Variants in SUCLG2 observed in about 807,000 individuals in gnomAD.
SUCLG2 encodes succinate-CoA ligase GDP-forming subunit beta.
Under a neutral mutation model 47.9 loss-of-function variants are expected in SUCLG2, and 42 were observed. The observed-to-expected ratio is 0.88, with a 90% CI of 0.69 to 1.14. The LOEUF (loss-of-function observed/expected upper bound fraction) is 1.14, where lower values mean the gene tolerates loss of function less well. SUCLG2 is among the 50% of genes most tolerant of loss of function. SUCLG2 has a pLI of 0.00. For missense variants in SUCLG2, 571 were observed against 525.9 expected (o/e 1.09, Z -0.84); for synonymous variants, 195 against 197.3 (o/e 0.99, Z 0.10).
chr3:67,515,098 G>A (rs1338280378), intron 6 of SUCLG2, among the ~76,000 whole-genome samples: 1 of 152,202 alleles, frequency 6.6e-6, no homozygotes, highest in Non-Finnish European at 1.5e-5. Context: ...ATCATCGCAA[G>A]AAGGGTGAGT....
intron 2 of SUCLG2, among the ~76,000 whole-genome samples, chr3:67,552,172 C>CA (rs55687048): frequency 0.069 from 5,207 of 75,118 alleles, 160 homozygotes; most frequent in Non-Finnish European, 0.12. Context: ...AACTCCATCT[C>CA]AAAAAAAAAA....
chr3:67,609,034 C>G (rs1700480177), intron 2 of SUCLG2, among the ~76,000 whole-genome samples: 1 of 152,162 alleles, frequency 6.6e-6, no homozygotes. Context: ...CCTGGCGGAA[C>G]TGAGGACACA....
At chr3:67,406,957 T>C (rs1484705708) in intron 9 of SUCLG2, among the ~76,000 whole-genome samples, 2 of 152,154 alleles carry the variant, frequency 1.3e-5, no homozygotes, top group African/African-American at 4.8e-5. Flanking sequence ...CCACAGCACA[T>C]GCAGGGCAGT....
chr3:67,404,964 G>T (rs1575674326), intron 9 of SUCLG2, among the ~76,000 whole-genome samples: 2 of 138,052 alleles, frequency 1.4e-5, no homozygotes, highest in East Asian at 4.2e-4. Flanking sequence ...CCCTGGCAAA[G>T]AGAATTTTTT....
In SUCLG2 at chr3:67,508,975, A is replaced by G. The variant is rs1452862156; in HGVS notation, c.661-72T>C. 6 of 1,167,670 alleles carry G rather than the reference A, an allele frequency of 5.1e-6. No homozygotes were observed. In the African/African-American group the frequency reaches 9.4e-5, roughly 18 times the overall value. 72.3% of individuals were successfully genotyped at this position (1,167,670 alleles called of 1,614,324 possible). A position where few individuals can be genotyped will look rare whatever the true frequency, so the allele number is the denominator to read the frequency against. ...AAATTTATTTTGCTGGATTAATGAA[A>G]CCTTAAAAATAGCAAGTTATGTCTT... is the stretch of plus-strand genomic sequence containing the variant. On this transcript the variant is annotated intron_variant, in intron 6 of 10. Coordinates refer to ENST00000307227, the MANE Select transcript of SUCLG2 (RefSeq NM_003848.4).
intron 1 of SUCLG2, among the ~76,000 whole-genome samples, chr3:67,612,380 T>C (rs758525447): frequency 1.3e-5 from 2 of 150,504 alleles, no homozygotes; most frequent in Non-Finnish European, 3.0e-5. Flanking sequence ...AAAAATGTGA[T>C]ACATCTACAG....
intron 2 of SUCLG2, among the ~76,000 whole-genome samples, chr3:67,538,586 T>C (rs1336355195): frequency 2.6e-5 from 4 of 152,226 alleles, no homozygotes; most frequent in Non-Finnish European, 5.9e-5. Flanking sequence ...TTTTTACTAA[T>C]TCTCTGAAGA....
At chr3:67,463,402 T>C (rs1261217054) in intron 9 of SUCLG2, among the ~76,000 whole-genome samples, 2 of 152,196 alleles carry the variant, frequency 1.3e-5, no homozygotes, top group Non-Finnish European at 2.9e-5. Flanking sequence ...CCTGGTGCCT[T>C]GGAAGTGTTA....
At chr3:67,512,609 T>C (rs2107108488) in intron 6 of SUCLG2, among the ~76,000 whole-genome samples, 1 of 151,198 alleles carries the variant, frequency 6.6e-6, no homozygotes, top group African/African-American at 2.5e-5. Context: ...ACTTCAAAAC[T>C]TCCTTTTTAA....
chr3:67,460,773 T>G (rs936962634), intron 9 of SUCLG2, among the ~76,000 whole-genome samples: 5 of 152,170 alleles, frequency 3.3e-5, no homozygotes, highest in Admixed American at 2.0e-4. Context: ...TTTGATCTGA[T>G]AGTAAAAACA....
chr3:67,394,733 A>C lies in SUCLG2; in HGVS notation c.1183+5998T>G, dbSNP rs796109571. On this transcript the variant is annotated intron_variant, in intron 10 of 10. Transcript: ENST00000307227. ...GACACATAATTGTCAGATTCACCAA[A>C]GTTGAAATGAAGGAAAAAATGTTAA... Among the ~76,000 whole-genome samples the C allele has an allele frequency of 2.6e-5, 4 of 151,414 alleles. No homozygotes were observed. The East Asian group carries it at 5.8e-4, about 22-fold the overall frequency.
chr3:67,607,093 A>G (rs1013413471), intron 2 of SUCLG2, among the ~76,000 whole-genome samples: 9 of 152,226 alleles, frequency 5.9e-5, no homozygotes, highest in Non-Finnish European at 1.3e-4. Context: ...TACCTGGACA[A>G]GACTGAGTAG....
intron 1 of SUCLG2, among the ~76,000 whole-genome samples, chr3:67,622,812 G>T (rs1274883401): frequency 1.3e-5 from 2 of 152,190 alleles, no homozygotes; most frequent in Non-Finnish European, 2.9e-5. Context: ...ACTGAGGCCT[G>T]AAGTTACAAG....
intron 9 of SUCLG2, among the ~76,000 whole-genome samples, chr3:67,494,463 A>G (rs977190730): frequency 2.6e-5 from 4 of 151,854 alleles, no homozygotes; most frequent in Admixed American, 1.3e-4. Flanking sequence ...AGCAAGACAA[A>G]AAATAAAAAA....
chr3:67,547,258 G>C (rs1238684228), intron 2 of SUCLG2, among the ~76,000 whole-genome samples: 2 of 152,104 alleles, frequency 1.3e-5, no homozygotes, highest in Non-Finnish European at 2.9e-5. Context: ...CACTGCATCA[G>C]CCTTGGTCTT....
intron 9 of SUCLG2, among the ~76,000 whole-genome samples, chr3:67,481,239 T>C (rs1201841141): frequency 1.3e-5 from 2 of 152,258 alleles, no homozygotes; most frequent in South Asian, 2.1e-4. Flanking sequence ...TCTCAGTATC[T>C]GTACTTATCA....
At chr3:67,509,374 T>C (rs1007743222) in intron 6 of SUCLG2, among the ~76,000 whole-genome samples, 2 of 152,216 alleles carry the variant, frequency 1.3e-5, no homozygotes, top group Admixed American at 6.5e-5. Context: ...GAGTGTCTAA[T>C]GAAAATTGTT....
intron 4 of SUCLG2, among the ~76,000 whole-genome samples, chr3:67,525,480 C>T (rs1317392892): frequency 1.3e-5 from 2 of 152,040 alleles, no homozygotes; most frequent in East Asian, 1.9e-4. Flanking sequence ...AAGAAATATG[C>T]CCAGCTGAAT....
intron 9 of SUCLG2, among the ~76,000 whole-genome samples, chr3:67,457,428 T>C (rs1704213141): frequency 6.6e-6 from 1 of 152,162 alleles, no homozygotes; most frequent in Non-Finnish European, 1.5e-5. Flanking sequence ...ATTCTCAATG[T>C]TACAATTATT....
Sources: gnomAD v4.1 joint callset for allele counts (sites outside exome capture counted in the v4.1 genomes callset) on GRCh38, gnomAD v4.1.1 for gene constraint, MANE v1.5 for transcripts, NCBI Gene and HGNC (gene_info 2026-07-23, HGNC 2026-07-21) for gene names.